ADGRL3: variants seen among roughly 807,000 people sequenced by gnomAD.
ADGRL3 encodes adhesion G protein-coupled receptor L3.
ADGRL3 carries 62 observed loss-of-function variants against 153.5 expected under a neutral mutation model. The observed-to-expected ratio is 0.40, with a 90% CI of 0.33 to 0.50. The LOEUF is 0.50. ADGRL3 is among the 20% of genes least tolerant of loss of function. The pLI is 0.47. For missense variants in ADGRL3, 1,641 were observed against 1,859.4 expected (o/e 0.88, Z 2.16); for synonymous variants, 710 against 672.5 (o/e 1.06, Z -0.86).
chr4:61,848,968 A>G (rs1342381174), intron 9 of ADGRL3, among the ~76,000 whole-genome samples: 2 of 152,192 alleles, frequency 1.3e-5, no homozygotes, highest in African/African-American at 4.8e-5. Context: ...CATTCAGAGA[A>G]GTACTTTATG....
chr4:61,265,368 G>C (rs1008751819), intron 1 of ADGRL3, among the ~76,000 whole-genome samples: 1 of 151,826 alleles, frequency 6.6e-6, no homozygotes, highest in Non-Finnish European at 1.5e-5. Flanking sequence ...CTCCATGAGA[G>C]CTGCCATATG....
At chr4:61,321,934 T>A (rs1392001798) in intron 1 of ADGRL3, among the ~76,000 whole-genome samples, 1 of 152,100 alleles carries the variant, frequency 6.6e-6, no homozygotes, top group Non-Finnish European at 1.5e-5. Context: ...CATAGTTTTT[T>A]AAAAAAATTT....
chr4:62,010,312 C>A (rs2099179372), intron 21 of ADGRL3, among the ~76,000 whole-genome samples: 1 of 152,064 alleles, frequency 6.6e-6, no homozygotes, highest in Non-Finnish European at 1.5e-5. Context: ...TACCACACAC[C>A]TTCCCCCTCA....
At chr4:61,530,330 C>A (rs17090501) in intron 4 of ADGRL3, among the ~76,000 whole-genome samples, 2,563 of 151,244 alleles carry the variant, frequency 0.017, 79 homozygotes, top group African/African-American at 0.059. Flanking sequence ...AAGAGGACAA[C>A]TATATGGACC....
intron 8 of ADGRL3, among the ~76,000 whole-genome samples, chr4:61,747,193 C>T (rs368498599): frequency 1.1e-4 from 16 of 151,302 alleles, no homozygotes; most frequent in Middle Eastern, 3.4e-3. Flanking sequence ...CAATAACAGG[C>T]TCTGAAATTG....
chr4:61,483,425 C>T (rs1475053921), intron 2 of ADGRL3, among the ~76,000 whole-genome samples: 1 of 152,214 alleles, frequency 6.6e-6, no homozygotes, highest in East Asian at 1.9e-4. Context: ...CATAGACATT[C>T]TCTTGTGCTG....
At chr4:61,497,589 T>C (rs868517892) in intron 3 of ADGRL3, among the ~76,000 whole-genome samples, 82 of 150,168 alleles carry the variant, frequency 5.5e-4, no homozygotes, top group East Asian at 9.9e-4. Context: ...GATCTCGGCT[T>C]ACTGCAACCT....
At chr4:61,386,777 A>G (rs1001129379) in intron 2 of ADGRL3, among the ~76,000 whole-genome samples, 4 of 152,196 alleles carry the variant, frequency 2.6e-5, no homozygotes, top group African/African-American at 9.6e-5. Flanking sequence ...AAGTATTAGA[A>G]TGGATTATAT....
chr4:61,585,305 A>G (rs1238065972), intron 4 of ADGRL3, among the ~76,000 whole-genome samples: 1 of 152,042 alleles, frequency 6.6e-6, no homozygotes. Flanking sequence ...TACTTTTTCA[A>G]AAATATCATA....
At chr4:61,222,578 TA>T (rs1299931769) in intron 1 of ADGRL3, among the ~76,000 whole-genome samples, 2 of 151,958 alleles carry the variant, frequency 1.3e-5, no homozygotes, top group African/African-American at 2.4e-5. Flanking sequence ...CAAAACAAAA[TA>T]AGGCATAAGG....
chr4:61,366,530 A>C (rs1403391595), intron 1 of ADGRL3, among the ~76,000 whole-genome samples: 1 of 152,244 alleles, frequency 6.6e-6, no homozygotes, highest in Non-Finnish European at 1.5e-5. Flanking sequence ...TTTTGCCTTC[A>C]TCACTTAGTA....
intron 9 of ADGRL3, among the ~76,000 whole-genome samples, chr4:61,874,342 T>A (rs1322178537): frequency 1.3e-5 from 2 of 152,176 alleles, no homozygotes; most frequent in Non-Finnish European, 2.9e-5. Context: ...TCACAACATG[T>A]CAGCTTGTTT....
intron 9 of ADGRL3, among the ~76,000 whole-genome samples, chr4:61,844,563 A>AT (rs1193221600): frequency 1.1e-4 from 6 of 56,088 alleles, no homozygotes; most frequent in East Asian, 1.4e-3. Flanking sequence ...AAAAAAAAAA[A>AT]AAAAAAAAAA....
intron 1 of ADGRL3, among the ~76,000 whole-genome samples, chr4:61,295,838 T>C (rs1013179163): frequency 1.3e-5 from 2 of 149,774 alleles, no homozygotes; most frequent in African/African-American, 4.9e-5. Context: ...CCAAGGGTGG[T>C]GGCATGTGCC....
intron 5 of ADGRL3, among the ~76,000 whole-genome samples, chr4:61,609,501 A>C (rs557860795): frequency 7.2e-5 from 11 of 152,220 alleles, no homozygotes; most frequent in African/African-American, 2.6e-4. Context: ...TTAAAGGAGT[A>C]AACATGGTTC....
intron 1 of ADGRL3, among the ~76,000 whole-genome samples, chr4:61,220,039 C>T (rs979198189): frequency 2.0e-5 from 3 of 147,716 alleles, no homozygotes; most frequent in Admixed American, 6.9e-5. Context: ...ACCTGGGGGG[C>T]GGAGGTTGCA....
intron 2 of ADGRL3, among the ~76,000 whole-genome samples, chr4:61,487,806 C>A (rs1380987064): frequency 5.3e-5 from 8 of 151,858 alleles, no homozygotes. Flanking sequence ...TCTATCTTAC[C>A]AATTGTATAT....
chr4:61,883,676 A>G (rs116061483), intron 9 of ADGRL3, among the ~76,000 whole-genome samples: 1,686 of 152,278 alleles, frequency 0.011, 6 homozygotes, highest in Non-Finnish European at 0.018. Context: ...ATTAATTCTA[A>G]TAGTCTCATT....
intron 6 of ADGRL3, among the ~76,000 whole-genome samples, chr4:61,693,183 ATAGAAAG>A (rs1158273896): frequency 6.6e-6 from 1 of 152,122 alleles, no homozygotes; most frequent in Non-Finnish European, 1.5e-5. Context: ...TGGAATAATA[ATAGAAAG>A]TATAACCTTT....
Sources: gnomAD v4.1 joint callset for allele counts (sites outside exome capture counted in the v4.1 genomes callset) on GRCh38, gnomAD v4.1.1 for gene constraint, MANE v1.5 for transcripts, NCBI Gene and HGNC (gene_info 2026-07-23, HGNC 2026-07-21) for gene names.